The following GRSF1 variants were observed in gnomAD, a reference collection of about 807,000 sequenced individuals.
GRSF1 encodes the protein G-rich RNA sequence binding factor 1.
Under a neutral mutation model 51.1 loss-of-function variants are expected in GRSF1, and 50 were observed. The observed-to-expected ratio is 0.98, with a 90% CI of 0.78 to 1.24. GRSF1 has a LOEUF of 1.24. GRSF1 is among the 50% of genes most tolerant of loss of function. The pLI is 0.00. For synonymous variants in GRSF1, 293 were observed against 253.3 expected (o/e 1.16, Z -1.49); for missense variants, 700 against 639.7 (o/e 1.09, Z -1.02).
upstream of GRSF1, among the ~76,000 whole-genome samples, chr4:70,842,057 C>T (rs1359433816): frequency 6.6e-6 from 1 of 152,150 alleles, no homozygotes; most frequent in African/African-American, 2.4e-5. Context: ...GAAGGGCAGG[C>T]CCCCAAGAGA....
chr4:70,824,729 G>A (rs2148836867), intron 8 of GRSF1, among the ~76,000 whole-genome samples: 1 of 152,306 alleles, frequency 6.6e-6, no homozygotes, highest in East Asian at 1.9e-4. Context: ...GTTGCAGTGA[G>A]CTGAGATCAT....
At chr4:70,833,300 G>A in intron 2 of GRSF1, 27 bp from the exon 3 acceptor site, 1 of 1,600,440 alleles carries the variant, frequency 6.2e-7, no homozygotes, top group Non-Finnish European at 8.5e-7. Flanking sequence ...AAAATCAATT[G>A]AAAACAGAAA....
chr4:70,839,294 C>T (rs1037784894), intron 1 of GRSF1, 177 bp downstream of exon 1: 9 of 1,499,598 alleles, frequency 6.0e-6, no homozygotes, highest in South Asian at 3.6e-5. Flanking sequence ...CCTGGGAGAG[C>T]TTCCCTTGTT....
At chr4:70,821,673 CTTTTTT>C (rs377564579) in intron 9 of GRSF1, among the ~76,000 whole-genome samples, 2 of 107,130 alleles carry the variant, frequency 1.9e-5, no homozygotes, top group Admixed American at 9.9e-5. Flanking sequence ...TTTTTTGTTC[CTTTTTT>C]TTTTTTTTTT....
In GRSF1 at chr4:70,826,191, G is replaced by A. The variant is rs773237295; in HGVS notation, c.1190C>T (p.Thr397Met). The change falls in exon 7 of 10, where the codon ACG (threonine) becomes ATG (methionine). Residue 397 changes from threonine (T) to methionine (M), a missense_variant. Physicochemically the swap from Thr to Met is moderately conservative, Grantham distance 81. Coordinates refer to ENST00000254799, the MANE Select transcript of GRSF1 (RefSeq NM_002092.4). ...KLPEAADFGT[T>M]SSLHFVHMRG... The stretch of plus-strand genomic sequence containing the variant: ...CATGTGGACAAAATGCAGAGAAGAC[G>A]TAGTTCCAAAATCAGCAGCCTCTGG... The A allele has an allele frequency of 1.1e-5, 18 of 1,610,070 alleles. No homozygotes were observed. Among genetic ancestry groups the A allele is most frequent in the Middle Eastern group, 3.3e-4 (2 of 6,080 alleles).
At chr4:70,836,812 A>G (rs1013536486) in intron 1 of GRSF1, among the ~76,000 whole-genome samples, 1 of 152,254 alleles carries the variant, frequency 6.6e-6, no homozygotes, top group Non-Finnish European at 1.5e-5. Flanking sequence ...AAGGAAGGAT[A>G]GAATTTTTAT....
Position 70,836,083 on chromosome 4 carries a change from TA to T in GRSF1, c.514+74del, listed in dbSNP as rs797008441. 3 of 872,738 alleles carry T rather than the reference TA, an allele frequency of 3.4e-6. No homozygotes were observed. In the African/African-American group the frequency reaches 5.3e-5, roughly 15 times the overall value. The allele number at this position is 872,738 out of a possible 1,614,324, so 54.1% of individuals were successfully genotyped here. ...TTTTACTCAGACAAAATTACATACT[TA>T]AAACATACATACCTGCTTGTGAGAA... On this transcript the variant is annotated intron_variant, in intron 2 of 9. Transcript: ENST00000254799.
At chr4:70,831,481 T>C in intron 5 of GRSF1, 58 bp downstream of exon 5, 1 of 1,472,768 alleles carries the variant, frequency 6.8e-7, no homozygotes, top group Non-Finnish European at 9.4e-7. Flanking sequence ...TTACAGCACA[T>C]TCATCAAAAT....
At chr4:70,822,965 C>T (rs1296578450) in intron 9 of GRSF1, among the ~76,000 whole-genome samples, 2 of 151,902 alleles carry the variant, frequency 1.3e-5, no homozygotes, top group Admixed American at 6.6e-5. Context: ...GGCATTGTGG[C>T]GGGCACCTGC....
Position 70,818,450 on chromosome 4 carries a change from C to T in GRSF1, c.*2437G>A, listed in dbSNP as rs1415456984. ...CCTTCAAACTGGGTTCCTTATGCTT[C>T]CCCCTTCAAGTAACACAGAAGTAGT... is the stretch of plus-strand genomic sequence containing the variant. On this transcript the variant is annotated 3_prime_UTR_variant, in exon 10 of 10. Coordinates refer to ENST00000254799, the MANE Select transcript of GRSF1 (RefSeq NM_002092.4). 1 of 152,172 alleles carries T rather than the reference C, an allele frequency of 6.6e-6. No individual in the cohort carries two copies. The highest frequency in any genetic ancestry group is 1.5e-5 in the Non-Finnish European group (1 of 68,038). 9.4% of individuals were successfully genotyped at this position (152,172 alleles called of 1,614,324 possible).
rs1733941302 is a variant in GRSF1, at chr4:70,830,943, T to C, written c.950+596A>G. On this transcript the variant is annotated intron_variant, in intron 5 of 9. Coordinates refer to ENST00000254799, the MANE Select transcript of GRSF1 (RefSeq NM_002092.4). ...TTGAAATTATGTAAAAAAATTTTTT[T>C]AAAAGATGCATACTAAAAAAAACCC... 2.0e-5 allele frequency among the ~76,000 whole-genome samples: 3 copies of C among 152,194 alleles called. No individual in the cohort carries two copies. In the South Asian group the frequency reaches 6.2e-4, roughly 32 times the overall value.
chr4:70,839,969 G>A (rs1345315762), upstream of GRSF1: 1 of 685,590 alleles, frequency 1.5e-6, no homozygotes, highest in Non-Finnish European at 2.2e-6. Context: ...CCGAGAGTCG[G>A]AAGGAGGTGG....
intron 3 of GRSF1, 55 bp from the exon 4 acceptor site, chr4:70,832,505 C>A: frequency 2.8e-6 from 3 of 1,076,258 alleles, no homozygotes; most frequent in Admixed American, 2.4e-5. Flanking sequence ...AGGAACAAAC[C>A]CATTAAAAAA....
Position 70,836,331 on chromosome 4 carries a change from A to G in GRSF1, c.358-17T>C. The G allele has an allele frequency of 1.3e-6, 2 of 1,527,326 alleles. No homozygotes were observed. Among genetic ancestry groups the G allele is most frequent in the Non-Finnish European group, 1.8e-6 (2 of 1,138,466 alleles). The allele number at this position is 1,527,326 out of a possible 1,614,324, so 94.6% of individuals were successfully genotyped here. A position where few individuals can be genotyped will look rare whatever the true frequency, so the allele number is the denominator to read the frequency against. On this transcript the variant is annotated splice_polypyrimidine_tract_variant and intron_variant, in intron 1 of 9. Coordinates refer to ENST00000254799, the MANE Select transcript of GRSF1 (RefSeq NM_002092.4). The stretch of plus-strand genomic sequence containing the variant: ...TTTGGACTCCTTCCAAAGGAAATGA[A>G]GAATTGTAAAAAGAGTTGCATTTAC...
chr4:70,836,279 T>A lies in GRSF1; in HGVS notation c.393A>T (p.Pro131=), dbSNP rs746199427. Residue 131 remains proline (P), a synonymous_variant, in exon 2 of 10, where the codon CCA becomes CCT. Transcript: ENST00000254799. ...ACGGGGCCAATTCATACTCAGGGGG[T>A]GGTGGAAGGTCTTCCAGGTAAGTAG... The part of the protein sequence containing the change: ...SKTTYLEDLP[P]PPEYELAPSK... The A allele has an allele frequency of 3.8e-6, 6 of 1,595,684 alleles. No homozygotes were observed. The highest frequency in any genetic ancestry group is 5.1e-6 in the Non-Finnish European group (6 of 1,174,814).
chr4:70,843,194 A>G (rs1311998690), upstream of GRSF1, among the ~76,000 whole-genome samples: 5 of 152,230 alleles, frequency 3.3e-5, no homozygotes, highest in East Asian at 9.6e-4. Flanking sequence ...AGCTGAAACT[A>G]AGTTTATTTG....
intron 9 of GRSF1, among the ~76,000 whole-genome samples, chr4:70,821,734 T>G (rs1347431283): frequency 6.9e-6 from 1 of 144,900 alleles, no homozygotes; most frequent in Non-Finnish European, 1.5e-5. Flanking sequence ...TGGAGTGCAG[T>G]GGCACCATCT....
chr4:70,819,784 G>A lies in GRSF1; in HGVS notation c.*1103C>T, dbSNP rs1043784636. ...ATTCTCCTACACAGGTGCACATAAA[G>A]TTAGTTTATTAATGACTATATTTTG... On this transcript the variant is annotated 3_prime_UTR_variant, in exon 10 of 10. Transcript: ENST00000254799. The A allele has an allele frequency of 6.6e-6, 1 of 152,608 alleles. No individual in the cohort carries two copies. The highest frequency in any genetic ancestry group is 6.5e-5 in the Admixed American group (1 of 15,284). The allele number at this position is 152,608 out of a possible 1,614,324, so 9.5% of individuals were successfully genotyped here.
chr4:70,833,889 T>TA (rs1337490673), intron 2 of GRSF1, among the ~76,000 whole-genome samples: 1 of 151,924 alleles, frequency 6.6e-6, no homozygotes, highest in Non-Finnish European at 1.5e-5. Context: ...CAAGTGGCTT[T>TA]AAAAAAAAGT....
Sources: gnomAD v4.1 joint callset for allele counts (sites outside exome capture counted in the v4.1 genomes callset) on GRCh38, gnomAD v4.1.1 for gene constraint, MANE v1.5 for transcripts, NCBI Gene and HGNC (gene_info 2026-07-23, HGNC 2026-07-21) for gene names.